ARHGEF38: variants seen among roughly 807,000 people sequenced by gnomAD.
The protein encoded by ARHGEF38 is Rho guanine nucleotide exchange factor 38.
A neutral mutation model predicts 79.9 loss-of-function variants in ARHGEF38; 79 were observed. The observed-to-expected ratio is 0.99, with a 90% CI of 0.82 to 1.19. The LOEUF is 1.19. Among genes scored for constraint, ARHGEF38 ranks in the 50% most tolerant of loss-of-function variants. ARHGEF38 has a pLI of 0.00. For synonymous variants in ARHGEF38, 366 were observed against 328.3 expected, an observed-to-expected ratio of 1.11 and a Z score of -1.24; for missense variants, 962 against 907.2, an observed-to-expected ratio of 1.06 and a Z score of -0.78.
At chr4:105,634,068 G>A (rs1233667121) in intron 4 of ARHGEF38, among the ~76,000 whole-genome samples, 3 of 152,136 alleles carry the variant, frequency 2.0e-5, no homozygotes, top group Non-Finnish European at 2.9e-5. Context: ...GATCCACCAG[G>A]ATGGTGTATT....
intron 7 of ARHGEF38, 92 bp from the exon 8 acceptor site, chr4:105,653,973 C>A (rs1730217825): frequency 1.7e-6 from 1 of 574,542 alleles, no homozygotes; most frequent in East Asian, 3.0e-5. Context: ...AAAGAATTTT[C>A]TTTTGTAATG....
chr4:105,564,153 A>C (rs1040022956), intron 1 of ARHGEF38, among the ~76,000 whole-genome samples: 2 of 152,208 alleles, frequency 1.3e-5, no homozygotes, highest in African/African-American at 4.8e-5. Context: ...TATAAACCCC[A>C]GGAGATTTTA....
At chr4:105,587,249 A>G (rs898100465) in intron 1 of ARHGEF38, among the ~76,000 whole-genome samples, 1 of 152,194 alleles carries the variant, frequency 6.6e-6, no homozygotes, top group Non-Finnish European at 1.5e-5. Flanking sequence ...TTGAGGCTGC[A>G]GTGAGCTGCA....
Position 105,645,835 on chromosome 4 carries a change from G to C in ARHGEF38, c.874+448G>C, listed in dbSNP as rs904120762. ...TGGATTCATCTGGTTCTGGCACACAGAGAATGGAGCTTTTGTGGCAATAAT... is the reference window on the plus strand; with the variant it reads ...TGGATTCATCTGGTTCTGGCACACACAGAATGGAGCTTTTGTGGCAATAAT... On this transcript the variant is annotated intron_variant, in intron 6 of 13. Transcript: ENST00000420470. Among the ~76,000 whole-genome samples, 6 of 152,250 alleles carry C rather than the reference G, an allele frequency of 3.9e-5. 1 individual carries two copies. The highest frequency in any genetic ancestry group is 4.1e-4 in the South Asian group (2 of 4,838).
At chr4:105,563,078 A>G (rs1393160333) in intron 1 of ARHGEF38, among the ~76,000 whole-genome samples, 1 of 152,140 alleles carries the variant, frequency 6.6e-6, no homozygotes, top group Non-Finnish European at 1.5e-5. Context: ...ATAATTCCTA[A>G]AGAGGGCATA....
chr4:105,609,602 C>T (rs947231951), intron 2 of ARHGEF38, among the ~76,000 whole-genome samples: 2 of 151,976 alleles, frequency 1.3e-5, no homozygotes, highest in African/African-American at 4.8e-5. Flanking sequence ...AATAGAAAGA[C>T]AACCTTAAAA....
chr4:105,593,695 C>G (rs1043616973), intron 2 of ARHGEF38, among the ~76,000 whole-genome samples: 7 of 152,144 alleles, frequency 4.6e-5, no homozygotes, highest in African/African-American at 7.2e-5. Flanking sequence ...GTCAAACTAG[C>G]CCCGCTAAAA....
In ARHGEF38 at chr4:105,598,904, G is replaced by A. The variant is rs190531822; in HGVS notation, c.384+9469G>A. Among the ~76,000 whole-genome samples, 636 of 152,224 alleles carry A rather than the reference G, an allele frequency of 4.2e-3. 8 individuals carry two copies. Among genetic ancestry groups the A allele is most frequent in the African/African-American group, 0.014 (595 of 41,552 alleles). ...TGAAATGTTAAATTTAAAAATAAAA[G>A]TCACAGTGTTGCCAGCCACAATGTG... On this transcript the variant is annotated intron_variant, in intron 2 of 13. Transcript: ENST00000420470.
intron 5 of ARHGEF38, among the ~76,000 whole-genome samples, chr4:105,639,197 T>C (rs1484229469): frequency 6.6e-6 from 1 of 152,088 alleles, no homozygotes; most frequent in East Asian, 1.9e-4. Context: ...TAACGAATGA[T>C]GTTTTTAAAT....
chr4:105,564,316 A>G (rs902749874), intron 1 of ARHGEF38, among the ~76,000 whole-genome samples: 1 of 152,200 alleles, frequency 6.6e-6, no homozygotes, highest in African/African-American at 2.4e-5. Flanking sequence ...AACTGACACA[A>G]TAAAAACATT....
At chr4:105,638,819 GAT>G (rs922032476) in intron 5 of ARHGEF38, among the ~76,000 whole-genome samples, 2 of 151,990 alleles carry the variant, frequency 1.3e-5, no homozygotes, top group Admixed American at 1.3e-4. Flanking sequence ...TATTCTGTCT[GAT>G]ATATATGCCA....
chr4:105,574,894 A>G (rs1169179101), intron 1 of ARHGEF38, among the ~76,000 whole-genome samples: 1 of 151,994 alleles, frequency 6.6e-6, no homozygotes, highest in Non-Finnish European at 1.5e-5. Context: ...AGCTCCATCC[A>G]GGTTGCTGCA....
intron 3 of ARHGEF38, 52 bp downstream of exon 3, chr4:105,613,559 A>G: frequency 6.3e-7 from 1 of 1,593,982 alleles, no homozygotes. Flanking sequence ...ATAATTTTTT[A>G]ATAACCTCCC....
At chr4:105,598,486 T>C (rs1354629509) in intron 2 of ARHGEF38, among the ~76,000 whole-genome samples, 1 of 152,200 alleles carries the variant, frequency 6.6e-6, no homozygotes. Flanking sequence ...TACCTGCCTT[T>C]CTCATTCTAC....
At chr4:105,616,467 C>G (rs941567438) in intron 3 of ARHGEF38, among the ~76,000 whole-genome samples, 14 of 152,104 alleles carry the variant, frequency 9.2e-5, no homozygotes, top group East Asian at 7.8e-4. Flanking sequence ...AGAGAGAGCA[C>G]GCCAAGGGGG....
At chr4:105,674,753 T>G (rs1731062413) in intron 13 of ARHGEF38, among the ~76,000 whole-genome samples, 1 of 152,064 alleles carries the variant, frequency 6.6e-6, no homozygotes, top group Non-Finnish European at 1.5e-5. Flanking sequence ...AATTTACAAT[T>G]TCATGAGAAT....
At chr4:105,658,732 T>C (rs1730439141) in intron 9 of ARHGEF38, among the ~76,000 whole-genome samples, 1 of 151,996 alleles carries the variant, frequency 6.6e-6, no homozygotes, top group African/African-American at 2.4e-5. Flanking sequence ...AATGAGAAAG[T>C]GTTGAAGGAG....
At position 105,657,020 on chromosome 4, in the gene ARHGEF38, T is replaced by C. The variant is rs752331192; in HGVS notation, c.1233+1298T>C. 1.5e-4 allele frequency among the ~76,000 whole-genome samples: 23 copies of C among 150,902 alleles called. 1 individual carries two copies. The highest frequency in any genetic ancestry group is 1.5e-3 in the Admixed American group (22 of 15,098). ...CAGATAGATGATGGTGATGATGAGA[T>C]AGATAGATGATAGATAGATAGATAG... is the stretch of plus-strand genomic sequence containing the variant. On this transcript the variant is annotated intron_variant, in intron 9 of 13. Transcript: ENST00000420470.
rs1280569630 is a variant in ARHGEF38, at chr4:105,677,865, G to A, written c.2262G>A (p.Trp754Ter). The A allele has an allele frequency of 3.3e-6, 5 of 1,535,022 alleles. No homozygotes were observed. The Admixed American group carries it at 9.8e-5, about 30-fold the overall frequency. ...RFCDLSGNKEWWLAEAQGQKG... is the reference protein window; with the variant it reads ...RFCDLSGNKE ...GTGACCTAAGTGGCAATAAAGAGTGGTGGTTAGCTGAAGCTCAAGGGCAGA... is the reference window on the plus strand; with the variant it reads ...GTGACCTAAGTGGCAATAAAGAGTGATGGTTAGCTGAAGCTCAAGGGCAGA... Residue 754 changes from tryptophan to a stop codon, truncating the protein, a stop_gained, in exon 14 of 14, where the codon TGG becomes TGA. Coordinates refer to ENST00000420470, the MANE Select transcript of ARHGEF38 (RefSeq NM_001242729.2). LOFTEE classifies it high-confidence loss of function.
Sources: gnomAD v4.1 joint callset for allele counts (sites outside exome capture counted in the v4.1 genomes callset) on GRCh38, gnomAD v4.1.1 for gene constraint, MANE v1.5 for transcripts, NCBI Gene and HGNC (gene_info 2026-07-23, HGNC 2026-07-21) for gene names.